Variants in WDFY2 observed in about 807,000 individuals in gnomAD.
The protein encoded by WDFY2 is WD repeat and FYVE domain-containing protein 2.
In WDFY2, 36 loss-of-function variants were observed where a neutral mutation model predicts 56.4. The observed-to-expected ratio is 0.64, with a 90% CI of 0.49 to 0.84. The LOEUF is 0.84. Among genes scored for constraint, WDFY2 ranks in the 40% least tolerant of loss-of-function variants. The pLI is 0.00. For missense variants in WDFY2, 444 were observed against 512.2 expected (o/e 0.87, Z 1.29); for synonymous variants, 176 against 183.7 (o/e 0.96, Z 0.34).
At chr13:51,696,770 A>G (rs1951885686) in intron 3 of WDFY2, among the ~76,000 whole-genome samples, 1 of 152,252 alleles carries the variant, frequency 6.6e-6, no homozygotes, top group South Asian at 2.1e-4. Context: ...ATTTATAAAC[A>G]ATCTATCAAG....
rs58897952 is a variant in WDFY2, at chr13:51,652,895, G to T, written c.138-7701G>T. Among the ~76,000 whole-genome samples, 629 of 152,098 alleles carry T rather than the reference G, an allele frequency of 4.1e-3. 3 individuals are homozygous for T. Among genetic ancestry groups the T allele is most frequent in the African/African-American group, 0.014 (582 of 41,474 alleles). ...ATAATTATGTGTCTTGGAGTTGCTCGTCTCGAGGAGTATCTTTGTGGTGTT... is the reference window on the plus strand; with the variant it reads ...ATAATTATGTGTCTTGGAGTTGCTCTTCTCGAGGAGTATCTTTGTGGTGTT... On this transcript the variant is annotated intron_variant, in intron 1 of 11. Transcript: ENST00000298125.
At chr13:51,640,112 A>G (rs895609244) in intron 1 of WDFY2, among the ~76,000 whole-genome samples, 1 of 152,216 alleles carries the variant, frequency 6.6e-6, no homozygotes, top group African/African-American at 2.4e-5. Flanking sequence ...TTATCTGTGA[A>G]CTTTTTATTA....
intron 3 of WDFY2, among the ~76,000 whole-genome samples, chr13:51,696,084 C>A (rs923542118): frequency 1.2e-4 from 19 of 152,228 alleles, no homozygotes. Context: ...TCTGTCACCC[C>A]TTTCTTTGAC....
intron 6 of WDFY2, among the ~76,000 whole-genome samples, chr13:51,728,865 G>A (rs916423137): frequency 6.6e-5 from 10 of 152,070 alleles, no homozygotes; most frequent in Non-Finnish European, 5.9e-5. Context: ...CTGGGCCTGG[G>A]GTTCTGGGGG....
chr13:51,726,032 A>G (rs1195107906), intron 5 of WDFY2, among the ~76,000 whole-genome samples: 1 of 152,228 alleles, frequency 6.6e-6, no homozygotes, highest in East Asian at 1.9e-4. Flanking sequence ...AATAGGAACT[A>G]TGACAAGGGA....
chr13:51,763,192 T>C lies in WDFY2; in HGVS notation c.*3423T>C, dbSNP rs1953643408. On this transcript the variant is annotated 3_prime_UTR_variant, in exon 12 of 12. Coordinates refer to ENST00000298125, the MANE Select transcript of WDFY2 (RefSeq NM_052950.4). The stretch of plus-strand genomic sequence containing the variant: ...AGGAATAGCTGTTTTTGAACATTAC[T>C]TAGTAATGGCATGAGTGGGAGGAGA... 6.6e-6 allele frequency: 1 copy of C among 152,196 alleles called. No homozygotes were observed. The highest frequency in any genetic ancestry group is 1.5e-5 in the Non-Finnish European group (1 of 68,034). The allele number at this position is 152,196 out of a possible 1,614,324, so 9.4% of individuals were successfully genotyped here.
intron 7 of WDFY2, among the ~76,000 whole-genome samples, chr13:51,742,315 A>G (rs1952993249): frequency 6.6e-6 from 1 of 152,204 alleles, no homozygotes; most frequent in Non-Finnish European, 1.5e-5. Flanking sequence ...AGTCCAAGGG[A>G]AAAAAAGCTA....
chr13:51,635,599 A>G (rs1311289001), intron 1 of WDFY2, among the ~76,000 whole-genome samples: 2 of 152,130 alleles, frequency 1.3e-5, no homozygotes, highest in African/African-American at 4.8e-5. Context: ...AAATAGTCTC[A>G]TGGTAAGGCT....
intron 1 of WDFY2, among the ~76,000 whole-genome samples, chr13:51,592,802 C>T (rs934656756): frequency 2.6e-5 from 4 of 151,940 alleles, no homozygotes; most frequent in Non-Finnish European, 5.9e-5. Context: ...ATAATAATCG[C>T]TCTGGAGTAT....
At chr13:51,699,459 C>T (rs979352512) in intron 3 of WDFY2, among the ~76,000 whole-genome samples, 2 of 152,216 alleles carry the variant, frequency 1.3e-5, no homozygotes, top group African/African-American at 2.4e-5. Flanking sequence ...GCCGATATTG[C>T]ACCTTCAAAT....
At chr13:51,650,483 T>C (rs894053852) in intron 1 of WDFY2, among the ~76,000 whole-genome samples, 5 of 152,208 alleles carry the variant, frequency 3.3e-5, no homozygotes, top group Non-Finnish European at 7.3e-5. Context: ...GGCATTCCTG[T>C]CTTGTGCAAG....
chr13:51,690,587 G>A (rs1814743727), intron 3 of WDFY2, among the ~76,000 whole-genome samples: 3 of 151,916 alleles, frequency 2.0e-5, no homozygotes, highest in East Asian at 3.9e-4. Context: ...TCTTAATCCA[G>A]TCTATCATTG....
chr13:51,652,521 A>G (rs1488946887), intron 1 of WDFY2, among the ~76,000 whole-genome samples: 1 of 152,180 alleles, frequency 6.6e-6, no homozygotes, highest in Non-Finnish European at 1.5e-5. Context: ...ACAATTTGGC[A>G]TGTCTTTGCA....
intron 1 of WDFY2, among the ~76,000 whole-genome samples, chr13:51,595,834 A>G (rs1180862793): frequency 6.6e-6 from 1 of 152,204 alleles, no homozygotes; most frequent in Non-Finnish European, 1.5e-5. Context: ...ATATATAAAT[A>G]AAGGTGGGTA....
At chr13:51,729,791 A>G (rs1461472910) in intron 6 of WDFY2, among the ~76,000 whole-genome samples, 1 of 152,258 alleles carries the variant, frequency 6.6e-6, no homozygotes, top group African/African-American at 2.4e-5. Context: ...TTCTCTTAAT[A>G]GCAATGCTTC....
intron 4 of WDFY2, among the ~76,000 whole-genome samples, chr13:51,716,777 G>GA (rs140984251): frequency 0.039 from 4,600 of 116,556 alleles, 129 homozygotes; most frequent in Admixed American, 0.074. Context: ...TATCTCTCAT[G>GA]AAAAAAAAAA....
chr13:51,621,288 T>G (rs929869832), intron 1 of WDFY2, among the ~76,000 whole-genome samples: 12 of 152,166 alleles, frequency 7.9e-5, no homozygotes, highest in African/African-American at 2.9e-4. Flanking sequence ...GCAGATCACC[T>G]GAGATCAAGA....
At position 51,751,347 on chromosome 13, in the gene WDFY2, C is replaced by A; in HGVS notation, c.763C>A (p.Arg255=). ...GGCCCTCTCCTATGCACAGCACACG[C>A]GACAATTGATCTCCTGTGGCGGTGA... The part of the protein sequence containing the change: ...VQALSYAQHT[R]QLISCGGDGG... The change falls in exon 8 of 12, where the codon CGA becomes AGA. Residue 255 remains arginine (R), a synonymous_variant. Transcript: ENST00000298125. The A allele has an allele frequency of 6.2e-7, 1 of 1,614,004 alleles. No homozygotes were observed. Among genetic ancestry groups the A allele is most frequent in the Non-Finnish European group, 8.5e-7 (1 of 1,179,952 alleles).
At chr13:51,712,481 G>C (rs1330063184) in intron 4 of WDFY2, among the ~76,000 whole-genome samples, 2 of 152,028 alleles carry the variant, frequency 1.3e-5, no homozygotes, top group Non-Finnish European at 1.5e-5. Context: ...AGAATTTATG[G>C]TATGATGCCA....
Sources: gnomAD v4.1 joint callset for allele counts (sites outside exome capture counted in the v4.1 genomes callset) on GRCh38, gnomAD v4.1.1 for gene constraint, MANE v1.5 for transcripts, NCBI Gene and HGNC (gene_info 2026-07-23, HGNC 2026-07-21) for gene names.